Variants in TUBG2 observed in about 807,000 individuals in gnomAD.
The protein encoded by TUBG2 is tubulin gamma-2 chain.
In TUBG2, 39 loss-of-function variants were observed where a neutral mutation model predicts 55.1. The ratio of observed to expected loss-of-function variants is 0.71; its 90% CI spans 0.55 to 0.93. TUBG2 has a LOEUF of 0.93. TUBG2 is among the 40% of genes least tolerant of loss of function. TUBG2 has a pLI of 0.00. For synonymous variants in TUBG2, 223 were observed against 241.0 expected (o/e 0.93, Z 0.69); for missense variants, 358 against 599.1 (o/e 0.60, Z 4.20).
rs758426650 is a variant in TUBG2, at chr17:42,666,677, G to A, written c.1233G>A (p.Glu411=). The A allele has an allele frequency of 6.2e-7, 1 of 1,614,238 alleles. No individual in the cohort carries two copies. The highest frequency in any genetic ancestry group is 2.2e-5 in the East Asian group (1 of 44,894). ...RDAFLEQFRK[E]DMFKDNFDEM... ...CCTTCCTCGAGCAGTTCCGTAAGGAGGACATGTTCAAGGACAACTTTGATG... is the reference window on the plus strand; with the variant it reads ...CCTTCCTCGAGCAGTTCCGTAAGGAAGACATGTTCAAGGACAACTTTGATG... The change falls in exon 11 of 11, where the codon GAG becomes GAA. Residue 411 remains glutamate, a synonymous_variant. Transcript: ENST00000251412.
At position 42,664,860 on chromosome 17, in the gene TUBG2, A is replaced by ATATATATG. The variant is rs1555635435; in HGVS notation, c.607-609_607-608insGTATATAT. ...TTATTTTTTATTTATATTTATATATATATATATATATTATATATATTTATA... is the reference window on the plus strand; with the variant it reads ...TTATTTTTTATTTATATTTATATATATATATATGTATATATATATTATATATATTTATA... On this transcript the variant is annotated intron_variant, in intron 6 of 10. Coordinates refer to ENST00000251412, the MANE Select transcript of TUBG2 (RefSeq NM_016437.3). Among the ~76,000 whole-genome samples the ATATATATG allele has an allele frequency of 3.5e-4, 16 of 46,290 alleles. No homozygotes were observed. The South Asian group carries it at 0.012, about 36-fold the overall frequency. The allele number at this position is 46,290 out of a possible 152,430, so 30.4% of individuals were successfully genotyped here.
At chr17:42,665,951 A>G in intron 8 of TUBG2, 124 bp downstream of exon 8, 3 of 1,585,390 alleles carry the variant, frequency 1.9e-6, no homozygotes, top group Non-Finnish European at 2.6e-6. Flanking sequence ...CACTGCGCTC[A>G]GGGACTGGCA....
At chr17:42,662,816 A>G (rs533672083) in intron 4 of TUBG2, among the ~76,000 whole-genome samples, 157 bp from the exon 5 acceptor site, 2 of 152,342 alleles carry the variant, frequency 1.3e-5, no homozygotes, top group Non-Finnish European at 2.9e-5. Context: ...TAGGTAGTCC[A>G]GAATTGAAGT....
chr17:42,660,876 CAAGG>C, intron 4 of TUBG2, 169 bp downstream of exon 4: 1 of 610,036 alleles, frequency 1.6e-6, no homozygotes. Context: ...TCTTTGTTCT[CAAGG>C]AAGTCATAAA....
At position 42,666,811 on chromosome 17, in the gene TUBG2, C is replaced by T. The variant is rs2052560371; in HGVS notation, c.*11C>T. ...ACCCAGGAGCAGTGATTTCCCTCCC[C>T]ACTACTCCTTCTCCTTCTAGATGGT... is the stretch of plus-strand genomic sequence containing the variant. On this transcript the variant is annotated 3_prime_UTR_variant, in exon 11 of 11. Coordinates refer to ENST00000251412, the MANE Select transcript of TUBG2 (RefSeq NM_016437.3). The T allele has an allele frequency of 6.2e-7, 1 of 1,613,776 alleles. No individual in the cohort carries two copies. The highest frequency in any genetic ancestry group is 1.7e-5 in the Admixed American group (1 of 59,986).
intron 6 of TUBG2, among the ~76,000 whole-genome samples, chr17:42,665,076 C>T (rs1183102414): frequency 1.1e-4 from 16 of 151,702 alleles, no homozygotes; most frequent in Non-Finnish European, 2.4e-4. Context: ...GAGACGGAGT[C>T]TTGCTCTGTC....
chr17:42,660,478 T>G, intron 3 of TUBG2, 161 bp from the exon 4 acceptor site: 1 of 1,338,656 alleles, frequency 7.5e-7, no homozygotes, highest in East Asian at 2.4e-5. Context: ...TTTGTGCAAA[T>G]CATTTGCAAT....
In TUBG2 at chr17:42,665,838, C is replaced by A; in HGVS notation, c.843+11C>A. 6.2e-7 allele frequency: 1 copy of A among 1,614,118 alleles called. No individual in the cohort carries two copies. The highest frequency in any genetic ancestry group is 1.1e-5 in the South Asian group (1 of 91,078). Reference sequence around the variant, plus strand: ...ACTACAGACCAGTCAGTAAGAGCAGCCTTCAGTGTCCCAGGCCAGGCTGGC... The same window carrying A: ...ACTACAGACCAGTCAGTAAGAGCAGACTTCAGTGTCCCAGGCCAGGCTGGC... On this transcript the variant is annotated intron_variant, in intron 8 of 10. Transcript: ENST00000251412.
chr17:42,659,336 G>C lies in TUBG2; in HGVS notation c.-168G>C. On this transcript the variant is annotated 5_prime_UTR_variant, in exon 1 of 11. Coordinates refer to ENST00000251412, the MANE Select transcript of TUBG2 (RefSeq NM_016437.3). ...AATGATGCCCAGGTTGGGCTCCCCG[G>C]CCCACCGGCCGAGGAGAGGCCTGCG... 1.6e-6 allele frequency: 1 copy of C among 631,378 alleles called. No homozygotes were observed. The highest frequency in any genetic ancestry group is 2.5e-6 in the Non-Finnish European group (1 of 393,776). 39.1% of individuals were successfully genotyped at this position (631,378 alleles called of 1,614,324 possible). A position where few individuals can be genotyped will look rare whatever the true frequency, so the allele number is the denominator to read the frequency against.
In TUBG2 at chr17:42,659,814, G is replaced by A. The variant is rs1255725432; in HGVS notation, c.50-20G>A. The A allele has an allele frequency of 2.5e-6, 4 of 1,614,010 alleles. No individual in the cohort carries two copies. The highest frequency in any genetic ancestry group is 2.5e-6 in the Non-Finnish European group (3 of 1,180,000). ...GGCCTTAAGGCTCCAGCAGACCCGG[G>A]CATCTCCCCCCTCCCCCAGTTGGGT... On this transcript the variant is annotated intron_variant, in intron 1 of 10. Coordinates refer to ENST00000251412, the MANE Select transcript of TUBG2 (RefSeq NM_016437.3).
At position 42,666,250 on chromosome 17, in the gene TUBG2, C is replaced by A. The variant is rs113274260; in HGVS notation, c.996+11C>A. The A allele has an allele frequency of 2.4e-3, 3,872 of 1,613,992 alleles. 89 individuals are homozygous for A. In the African/African-American group the frequency reaches 0.047, roughly 20 times the overall value. ...GTGGACCCCACCCAGGTAGGGGAGGCCCCTTCATCCCGCGCCCTGGACCTG... is the reference window on the plus strand; with the variant it reads ...GTGGACCCCACCCAGGTAGGGGAGGACCCTTCATCCCGCGCCCTGGACCTG... On this transcript the variant is annotated intron_variant, in intron 9 of 10. Transcript: ENST00000251412.
At chr17:42,659,660 C>T (rs906333312) in intron 1 of TUBG2, 108 bp downstream of exon 1, 3 of 1,390,834 alleles carry the variant, frequency 2.2e-6, no homozygotes, top group East Asian at 2.5e-5. Flanking sequence ...AACCCCCTGC[C>T]CTGCTGCTCT....
Position 42,665,429 on chromosome 17 carries a change from T to A in TUBG2, c.607-47T>A, listed in dbSNP as rs771288583. 6 of 1,613,372 alleles carry A rather than the reference T, an allele frequency of 3.7e-6. No homozygotes were observed. The African/African-American group carries it at 6.7e-5, about 18-fold the overall frequency. On this transcript the variant is annotated intron_variant, in intron 6 of 10. Coordinates refer to ENST00000251412, the MANE Select transcript of TUBG2 (RefSeq NM_016437.3). The stretch of plus-strand genomic sequence containing the variant: ...GGGCTAAGCCAATATCTTATTTCTA[T>A]GCCCATTTTATCCTCAAGATGCTGT...
At chr17:42,663,811 C>T (rs1188012473) in intron 6 of TUBG2, among the ~76,000 whole-genome samples, 3 of 152,038 alleles carry the variant, frequency 2.0e-5, no homozygotes, top group Non-Finnish European at 4.4e-5. Context: ...GGCGTGGTGG[C>T]GCATGCCTGT....
chr17:42,659,636 C>A, intron 1 of TUBG2, 84 bp downstream of exon 1: 1 of 1,444,712 alleles, frequency 6.9e-7, no homozygotes, highest in African/African-American at 1.4e-5. Context: ...ACCAGTCCCC[C>A]TTTCCCTTCC....
In TUBG2 at chr17:42,666,821, TCTC is replaced by T. The variant is rs776848706; in HGVS notation, c.*24_*26del. On this transcript the variant is annotated 3_prime_UTR_variant, in exon 11 of 11. Transcript: ENST00000251412. ...AGTGATTTCCCTCCCCACTACTCCT[TCTC>T]CTTCTAGATGGTAACCACAGCCTCG... 2 of 1,613,062 alleles carry T rather than the reference TCTC, an allele frequency of 1.2e-6. No individual in the cohort carries two copies. The highest frequency in any genetic ancestry group is 1.1e-5 in the South Asian group (1 of 91,042).
At chr17:42,660,444 A>T (rs2052356866) in intron 3 of TUBG2, 128 bp downstream of exon 3, 1 of 1,494,572 alleles carries the variant, frequency 6.7e-7, no homozygotes, top group Non-Finnish European at 9.1e-7. Flanking sequence ...CAAGAGGGAC[A>T]GCCAGGGAGA....
intron 5 of TUBG2, among the ~76,000 whole-genome samples, 158 bp from the exon 6 acceptor site, chr17:42,663,219 G>A (rs1378608709): frequency 6.6e-6 from 1 of 152,126 alleles, no homozygotes; most frequent in Non-Finnish European, 1.5e-5. Flanking sequence ...TTTACCTGTG[G>A]AGGGGAGGGG....
At chr17:42,662,634 A>G (rs2052414795) in intron 4 of TUBG2, among the ~76,000 whole-genome samples, 1 of 152,140 alleles carries the variant, frequency 6.6e-6, no homozygotes, top group Admixed American at 6.6e-5. Flanking sequence ...AAATACCGTA[A>G]GTAGAAATGC....
Sources: gnomAD v4.1 joint callset for allele counts (sites outside exome capture counted in the v4.1 genomes callset) on GRCh38, gnomAD v4.1.1 for gene constraint, MANE v1.5 for transcripts, NCBI Gene and HGNC (gene_info 2026-07-23, HGNC 2026-07-21) for gene names.